The following MARCHF4 variants were observed in gnomAD, a reference collection of about 807,000 sequenced individuals.
MARCHF4 encodes the protein E3 ubiquitin-protein ligase MARCHF4.
Under a neutral mutation model 43.9 loss-of-function variants are expected in MARCHF4, and 14 were observed. The ratio of observed to expected loss-of-function variants is 0.32; its 90% CI spans 0.21 to 0.50. MARCHF4 has a LOEUF of 0.50. MARCHF4 is among the 20% of genes least tolerant of loss of function. The probability of loss-of-function intolerance (pLI) is 0.98; values close to 1 mark genes in which losing one functional copy is unlikely to be tolerated. For missense variants in MARCHF4, 468 were observed against 536.7 expected (o/e 0.87, Z 1.27); for synonymous variants, 226 against 213.3 (o/e 1.06, Z -0.52).
intron 3 of MARCHF4, among the ~76,000 whole-genome samples, chr2:216,271,053 A>C (rs1690926674): frequency 6.6e-6 from 1 of 152,224 alleles, no homozygotes; most frequent in Non-Finnish European, 1.5e-5. Context: ...GTTCAATTTA[A>C]AATGCAAATC....
chr2:216,263,920 T>A (rs1433003688), intron 3 of MARCHF4, among the ~76,000 whole-genome samples: 2 of 151,886 alleles, frequency 1.3e-5, no homozygotes, highest in East Asian at 3.9e-4. Context: ...GTGCAGAGAG[T>A]GAGGCTGCCA....
chr2:216,327,480 C>T (rs1412172602), intron 1 of MARCHF4, among the ~76,000 whole-genome samples: 1 of 152,054 alleles, frequency 6.6e-6, no homozygotes, highest in Non-Finnish European at 1.5e-5. Context: ...AGTCATTTTG[C>T]CACTTTCCTG....
chr2:216,286,359 C>T (rs1005356836), intron 1 of MARCHF4, among the ~76,000 whole-genome samples: 6 of 151,878 alleles, frequency 4.0e-5, no homozygotes, highest in Non-Finnish European at 5.9e-5. Context: ...GCCAACATGG[C>T]GAAACCCCAT....
At chr2:216,270,392 C>G (rs1162032385) in intron 3 of MARCHF4, among the ~76,000 whole-genome samples, 1 of 152,040 alleles carries the variant, frequency 6.6e-6, no homozygotes, top group Non-Finnish European at 1.5e-5. Flanking sequence ...AGATTTTTAA[C>G]CCTCTTTTAT....
At chr2:216,343,261 G>A (rs1472130431) in intron 1 of MARCHF4, among the ~76,000 whole-genome samples, 2 of 152,168 alleles carry the variant, frequency 1.3e-5, no homozygotes, top group Non-Finnish European at 2.9e-5. Context: ...ATTTCTCCCA[G>A]TTCTGGAGGC....
At chr2:216,336,742 T>TAAAAAAAAA (rs58031229) in intron 1 of MARCHF4, among the ~76,000 whole-genome samples, 9 of 55,668 alleles carry the variant, frequency 1.6e-4, no homozygotes, top group African/African-American at 3.1e-4. Flanking sequence ...CAAATAGATT[T>TAAAAAAAAA]AAAAAAAAAA....
chr2:216,275,923 C>T (rs569546183), intron 3 of MARCHF4, among the ~76,000 whole-genome samples: 11 of 152,310 alleles, frequency 7.2e-5, no homozygotes, highest in Middle Eastern at 3.4e-3. Context: ...GTCCCTGCTC[C>T]GTTAGCCTGG....
chr2:216,322,579 T>C (rs906311920), intron 1 of MARCHF4, among the ~76,000 whole-genome samples: 6 of 152,230 alleles, frequency 3.9e-5, no homozygotes, highest in Non-Finnish European at 8.8e-5. Context: ...CTCAACACTT[T>C]GGGAGGCCGA....
intron 1 of MARCHF4, among the ~76,000 whole-genome samples, chr2:216,307,539 T>G (rs1338832086): frequency 1.2e-5 from 1 of 83,812 alleles, no homozygotes; most frequent in African/African-American, 2.8e-5. Context: ...CAAATCAACG[T>G]TTTTTTTTGG....
chr2:216,364,121 T>C (rs2105986113), intron 1 of MARCHF4, among the ~76,000 whole-genome samples: 1 of 152,266 alleles, frequency 6.6e-6, no homozygotes, highest in East Asian at 1.9e-4. Context: ...CAAGTTTACT[T>C]CCCTGGAAAT....
At chr2:216,270,737 T>C (rs996611485) in intron 3 of MARCHF4, among the ~76,000 whole-genome samples, 3 of 151,982 alleles carry the variant, frequency 2.0e-5, no homozygotes, top group East Asian at 1.9e-4. Context: ...CCATTGCCCA[T>C]CCCATTCTCA....
At chr2:216,356,192 A>C (rs1332407649) in intron 1 of MARCHF4, among the ~76,000 whole-genome samples, 1 of 152,224 alleles carries the variant, frequency 6.6e-6, no homozygotes, top group East Asian at 1.9e-4. Context: ...ATAATGGCCA[A>C]TGCTGTTTGT....
intron 1 of MARCHF4, among the ~76,000 whole-genome samples, chr2:216,306,158 T>C (rs555794334): frequency 1.3e-5 from 2 of 152,250 alleles, no homozygotes; most frequent in South Asian, 4.1e-4. Flanking sequence ...AAAGTTTTAA[T>C]TGAAATTTAT....
At chr2:216,262,083 T>G (rs944294934) in intron 3 of MARCHF4, among the ~76,000 whole-genome samples, 2 of 152,192 alleles carry the variant, frequency 1.3e-5, no homozygotes, top group African/African-American at 4.8e-5. Context: ...AGTACACATA[T>G]ATTTTTTTTC....
rs529625128 is a variant in MARCHF4, at chr2:216,304,878, CAGG to C, written c.517-21152_517-21150del. On this transcript the variant is annotated intron_variant, in intron 1 of 3. Transcript: ENST00000273067. ...CTGAGGCAGGAGAATCGCTTGAACC[CAGG>C]AGGTGGAGGTTGCAGTGAGCCGAGA... is the stretch of plus-strand genomic sequence containing the variant. Among the ~76,000 whole-genome samples the C allele has an allele frequency of 2.6e-4, 40 of 152,146 alleles. No individual in the cohort carries two copies. In the South Asian group the frequency reaches 7.7e-3, roughly 29 times the overall value.
chr2:216,276,841 A>T (rs1327053286), intron 3 of MARCHF4, among the ~76,000 whole-genome samples: 1 of 152,108 alleles, frequency 6.6e-6, no homozygotes, highest in Non-Finnish European at 1.5e-5. Context: ...CAACAGCCAC[A>T]ATCATCTGTT....
At chr2:216,321,509 AAG>A (rs1367152042) in intron 1 of MARCHF4, 1 of 152,210 alleles carries the variant, frequency 6.6e-6, no homozygotes. Flanking sequence ...TGAGTTGGCA[AAG>A]AGGGGAGGGA....
chr2:216,338,448 G>C (rs1692189996), intron 1 of MARCHF4, among the ~76,000 whole-genome samples: 1 of 152,168 alleles, frequency 6.6e-6, no homozygotes, highest in Non-Finnish European at 1.5e-5. Flanking sequence ...AGCTTCAACA[G>C]TGGCTGTTTG....
intron 1 of MARCHF4, among the ~76,000 whole-genome samples, chr2:216,284,293 G>C (rs1447317682): frequency 2.0e-5 from 3 of 152,110 alleles, no homozygotes; most frequent in Non-Finnish European, 4.4e-5. Context: ...TCTGGCTGGG[G>C]GTAGCTAGGA....
Sources: allele counts gnomAD v4.1 joint callset (sites outside exome capture counted in the v4.1 genomes callset), GRCh38; gene constraint gnomAD v4.1.1; transcripts MANE v1.5; gene names NCBI Gene and HGNC (gene_info 2026-07-23, HGNC 2026-07-21).